DNAAF4: variants seen among roughly 807,000 people sequenced by gnomAD.
The protein encoded by DNAAF4 is dynein axonemal assembly factor 4.
Under a neutral mutation model 51.8 loss-of-function variants are expected in DNAAF4, and 43 were observed. The ratio of observed to expected loss-of-function variants is 0.83; its 90% CI spans 0.65 to 1.07. The LOEUF (loss-of-function observed/expected upper bound fraction) is 1.07, where lower values mean the gene tolerates loss of function less well. Among genes scored for constraint, DNAAF4 ranks in the 50% least tolerant of loss-of-function variants. The pLI is 0.00. For synonymous variants in DNAAF4, 194 were observed against 165.6 expected, an observed-to-expected ratio of 1.17 and a Z score of -1.32; for missense variants, 581 against 493.0, an observed-to-expected ratio of 1.18 and a Z score of -1.69.
intron 5 of DNAAF4, among the ~76,000 whole-genome samples, chr15:55,460,220 G>A (rs1486881763): frequency 2.1e-5 from 3 of 139,734 alleles, no homozygotes; most frequent in African/African-American, 5.1e-5. Flanking sequence ...TCACTCTGTC[G>A]CCCAGGCTGG....
Position 55,434,986 on chromosome 15 carries a change from C to T in DNAAF4, c.966G>A (p.Lys322=), listed in dbSNP as rs1567001475. 6.2e-7 allele frequency: 1 copy of T among 1,613,130 alleles called. No individual in the cohort carries two copies. Among genetic ancestry groups the T allele is most frequent in the East Asian group, 2.2e-5 (1 of 44,822 alleles). ...CCCGGTTCAAATACAATAGTGGCAT[C>T]TTATTATTTAGTCTTATGGCTAAAT... The part of the protein sequence containing the change: ...AYNLAIRLNN[K]MPLLYLNRAA... The change falls in exon 8 of 10, where the codon AAG becomes AAA. Residue 322 remains lysine (K), a synonymous_variant. Coordinates refer to ENST00000321149, the MANE Select transcript of DNAAF4 (RefSeq NM_130810.4).
At chr15:55,419,345 T>G (rs1162641290) in intron 7 of DNAAF4, among the ~76,000 whole-genome samples, 1 of 152,110 alleles carries the variant, frequency 6.6e-6, no homozygotes, top group Non-Finnish European at 1.5e-5. Context: ...CACCTCAGCC[T>G]CTCGACTAGC....
chr15:55,455,666 A>T (rs1380285666), intron 5 of DNAAF4, among the ~76,000 whole-genome samples: 2 of 151,942 alleles, frequency 1.3e-5, no homozygotes, highest in African/African-American at 4.8e-5. Flanking sequence ...TCCTAACCTC[A>T]GGTGATCTGC....
Position 55,465,381 on chromosome 15 carries a change from ATGGTG to A in DNAAF4, c.637+1544_637+1548del, listed in dbSNP as rs1567019370. Reference sequence around the variant, plus strand: ...CAACTAATGAGAAGATAAAGAAAATATGGTGTATATATACACACACACACACACAC... The same window carrying A: ...CAACTAATGAGAAGATAAAGAAAATATATATATACACACACACACACACAC... On this transcript the variant is annotated intron_variant, in intron 5 of 9. Coordinates refer to ENST00000321149, the MANE Select transcript of DNAAF4 (RefSeq NM_130810.4). Among the ~76,000 whole-genome samples, 13 of 115,484 alleles carry A rather than the reference ATGGTG, an allele frequency of 1.1e-4. No homozygotes were observed. The East Asian group carries it at 3.8e-3, about 33-fold the overall frequency. 75.8% of individuals were successfully genotyped at this position (115,484 alleles called of 152,430 possible).
intron 6 of DNAAF4, among the ~76,000 whole-genome samples, chr15:55,445,249 G>A (rs539970965): frequency 2.0e-5 from 3 of 151,928 alleles, no homozygotes; most frequent in Admixed American, 6.6e-5. Context: ...GACTCTTAAC[G>A]AGCATGCTGC....
At chr15:55,487,722 C>A (rs1251359373) in intron 4 of DNAAF4, among the ~76,000 whole-genome samples, 1 of 151,998 alleles carries the variant, frequency 6.6e-6, no homozygotes, top group Non-Finnish European at 1.5e-5. Flanking sequence ...TATGCGGCTT[C>A]ATTCTTGAAG....
intron 5 of DNAAF4, among the ~76,000 whole-genome samples, chr15:55,450,583 G>A (rs1404751195): frequency 6.6e-6 from 1 of 152,078 alleles, no homozygotes; most frequent in African/African-American, 2.4e-5. Flanking sequence ...CTTTTCTGGG[G>A]TTCTCTTTGT....
chr15:55,442,307 C>T (rs892071778), intron 6 of DNAAF4, among the ~76,000 whole-genome samples: 8 of 152,072 alleles, frequency 5.3e-5, no homozygotes, highest in African/African-American at 1.7e-4. Context: ...TTAGTAGAGA[C>T]GGGGTTTCAT....
intron 5 of DNAAF4, among the ~76,000 whole-genome samples, chr15:55,463,170 TCTCACACACACACACACACACA>T (rs2058118462): frequency 8.3e-6 from 1 of 119,962 alleles, no homozygotes; most frequent in Non-Finnish European, 1.9e-5. Context: ...TGAGACTCTG[TCTCACACACACACACACACACA>T]CACACACACA....
intron 6 of DNAAF4, among the ~76,000 whole-genome samples, chr15:55,447,321 A>G (rs998727977): frequency 4.0e-5 from 6 of 151,340 alleles, no homozygotes; most frequent in African/African-American, 1.2e-4. Context: ...CACTCCTCAC[A>G]TCCCAGACGA....
intron 4 of DNAAF4, among the ~76,000 whole-genome samples, chr15:55,470,404 G>T (rs1006482738): frequency 1.3e-5 from 2 of 152,134 alleles, no homozygotes; most frequent in Non-Finnish European, 2.9e-5. Flanking sequence ...GCAAATGAAA[G>T]AGATGTCTAG....
downstream of DNAAF4, among the ~76,000 whole-genome samples, chr15:55,425,361 C>G (rs1424715266): frequency 6.6e-6 from 1 of 152,236 alleles, no homozygotes; most frequent in East Asian, 1.9e-4. Context: ...CAGAATTCCT[C>G]TAACCCCTAA....
chr15:55,483,833 CTTTTTTTTTTTTTT>C (rs71105887), intron 4 of DNAAF4, among the ~76,000 whole-genome samples: 127 of 82,480 alleles, frequency 1.5e-3, no homozygotes, highest in Admixed American at 3.9e-3. Flanking sequence ...GCCAATAAAG[CTTTTTTTTTTTTTT>C]TTTTTTTTTT....
intron 4 of DNAAF4, among the ~76,000 whole-genome samples, chr15:55,468,088 A>G (rs577377170): frequency 1.3e-5 from 2 of 152,262 alleles, no homozygotes; most frequent in South Asian, 4.1e-4. Flanking sequence ...GGCTACTGAG[A>G]CTCAGGAACT....
intron 6 of DNAAF4, chr15:55,442,688 A>G: frequency 6.8e-7 from 1 of 1,467,052 alleles, no homozygotes; most frequent in Admixed American, 1.7e-5. Flanking sequence ...GCCTCTGAAT[A>G]TAGGGTCTTC....
intron 7 of DNAAF4, chr15:55,418,227 A>T: frequency 1.3e-6 from 2 of 1,569,682 alleles, no homozygotes; most frequent in Non-Finnish European, 1.7e-6. Context: ...TTTTAGGATA[A>T]GAAAAGTACT....
downstream of DNAAF4, among the ~76,000 whole-genome samples, chr15:55,425,862 T>C (rs906297642): frequency 2.6e-5 from 4 of 152,186 alleles, no homozygotes; most frequent in Non-Finnish European, 4.4e-5. Context: ...CTTGCGCTAG[T>C]GTAACTGCCC....
chr15:55,466,117 C>T lies in DNAAF4; in HGVS notation c.637+813G>A, dbSNP rs143345459. ...TAATAATTTTAAAAACACACACATA[C>T]AAAAACTGAATTATATTTGTATCAG... is the stretch of plus-strand genomic sequence containing the variant. On this transcript the variant is annotated intron_variant, in intron 5 of 9. Transcript: ENST00000321149. Among the ~76,000 whole-genome samples the T allele has an allele frequency of 3.7e-3, 565 of 152,258 alleles. 4 individuals carry two copies. The highest frequency in any genetic ancestry group is 0.013 in the African/African-American group (537 of 41,552).
chr15:55,436,994 ACT>A (rs2057623175), intron 7 of DNAAF4, among the ~76,000 whole-genome samples: 1 of 150,534 alleles, frequency 6.6e-6, no homozygotes, highest in African/African-American at 2.5e-5. Context: ...CTAATTTTGT[ACT>A]TTTAGTAAAG....
Sources: allele counts gnomAD v4.1 joint callset (sites outside exome capture counted in the v4.1 genomes callset), GRCh38; gene constraint gnomAD v4.1.1; transcripts MANE v1.5; gene names NCBI Gene and HGNC (gene_info 2026-07-23, HGNC 2026-07-21).